Variants in MARCHF4 observed in about 807,000 individuals in gnomAD.
MARCHF4 encodes membrane associated ring-CH-type finger 4, also known as E3 ubiquitin-protein ligase MARCHF4.
MARCHF4 carries 14 observed loss-of-function variants against 43.9 expected under a neutral mutation model. The observed-to-expected ratio is 0.32, with a 90% CI of 0.21 to 0.50. The LOEUF (loss-of-function observed/expected upper bound fraction) is 0.50, where lower values mean the gene tolerates loss of function less well. Among genes scored for constraint, MARCHF4 ranks in the 20% least tolerant of loss-of-function variants. The pLI is 0.98. For synonymous variants in MARCHF4, 226 were observed against 213.3 expected (o/e 1.06, Z -0.52); for missense variants, 468 against 536.7 (o/e 0.87, Z 1.27).
chr2:216,354,918 T>C (rs76302776), intron 1 of MARCHF4, among the ~76,000 whole-genome samples: 4,860 of 94,254 alleles, frequency 0.052, 147 homozygotes, highest in Non-Finnish European at 0.076. Flanking sequence ...TTTCTTTCTT[T>C]CTTTCTTTCT....
intron 1 of MARCHF4, among the ~76,000 whole-genome samples, chr2:216,348,544 G>A (rs1692355602): frequency 1.3e-5 from 2 of 152,144 alleles, no homozygotes; most frequent in South Asian, 2.1e-4. Context: ...GTGATGTCAG[G>A]AAGTCCCCCT....
At chr2:216,284,112 A>G (rs1691181097) in intron 1 of MARCHF4, among the ~76,000 whole-genome samples, 2 of 152,312 alleles carry the variant, frequency 1.3e-5, no homozygotes, top group Middle Eastern at 3.4e-3. Flanking sequence ...GCCCTCAAGG[A>G]CAGACAGGCA....
chr2:216,333,270 C>T (rs1692108381), intron 1 of MARCHF4, among the ~76,000 whole-genome samples: 1 of 152,144 alleles, frequency 6.6e-6, no homozygotes. Context: ...AAATTCAAAA[C>T]ATATAAAGAA....
intron 1 of MARCHF4, among the ~76,000 whole-genome samples, chr2:216,337,205 A>T (rs1410266408): frequency 6.6e-6 from 1 of 152,122 alleles, no homozygotes; most frequent in Non-Finnish European, 1.5e-5. Context: ...GTGCAAAAAG[A>T]TCAGGCTACA....
intron 1 of MARCHF4, among the ~76,000 whole-genome samples, chr2:216,336,742 TAAAAAAAAAAAAAA>T (rs58031229): frequency 0.049 from 2,717 of 55,844 alleles, 210 homozygotes; most frequent in African/African-American, 0.13. Context: ...CAAATAGATT[TAAAAAAAAAAAAAA>T]AAAAAAAAAA....
intron 1 of MARCHF4, among the ~76,000 whole-genome samples, chr2:216,358,362 T>A (rs151102350): frequency 6.6e-6 from 1 of 152,160 alleles, no homozygotes; most frequent in South Asian, 2.1e-4. Context: ...CCAGGAACAG[T>A]CTTCATTTTC....
intron 1 of MARCHF4, among the ~76,000 whole-genome samples, chr2:216,292,910 C>T (rs1574466039): frequency 6.6e-6 from 1 of 152,132 alleles, no homozygotes; most frequent in Non-Finnish European, 1.5e-5. Context: ...AGAAAAATGA[C>T]CTATCATGAA....
chr2:216,307,074 C>T (rs1209247620), intron 1 of MARCHF4, among the ~76,000 whole-genome samples: 1 of 152,122 alleles, frequency 6.6e-6, no homozygotes, highest in East Asian at 1.9e-4. Flanking sequence ...GGGAGCAGCA[C>T]GACTTCCTCT....
intron 1 of MARCHF4, among the ~76,000 whole-genome samples, chr2:216,304,359 A>G (rs1473679455): frequency 6.6e-6 from 1 of 152,166 alleles, no homozygotes; most frequent in Admixed American, 6.5e-5. Context: ...GGCTTGAATT[A>G]TGACTTCACA....
intron 1 of MARCHF4, among the ~76,000 whole-genome samples, chr2:216,307,877 C>T (rs1574470883): frequency 6.6e-6 from 1 of 151,970 alleles, no homozygotes; most frequent in African/African-American, 2.4e-5. Flanking sequence ...AGACCCCTAT[C>T]TCTACAGAAA....
chr2:216,335,726 TG>T (rs150239902), intron 1 of MARCHF4, among the ~76,000 whole-genome samples: 11,365 of 152,112 alleles, frequency 0.075, 528 homozygotes, highest in South Asian at 0.12. Flanking sequence ...GCCTTGAATA[TG>T]ACAGACATTA....
rs143659051 is a variant in MARCHF4, at chr2:216,336,461, C to T, written c.516+33284G>A. Among the ~76,000 whole-genome samples, 15 of 152,144 alleles carry T rather than the reference C, an allele frequency of 9.9e-5. No homozygotes were observed. In the East Asian group the frequency reaches 2.9e-3, roughly 29 times the overall value. On this transcript the variant is annotated intron_variant, in intron 1 of 3. Transcript: ENST00000273067. ...CAAAAACCACATGAAAACCTTCTTG[C>T]GCAGTAGAAATCTTTACAACTATGT... is the stretch of plus-strand genomic sequence containing the variant.
chr2:216,277,754 G>A lies in MARCHF4; in HGVS notation c.783C>T (p.Ser261=). ...CTTGGCGCTGCCATCTTGCCGAGGG[G>A]CTGAAAGTTGACCAGATGAGCCAAG... ...SISWLIWSTF[S]PSARWQRQDL... Residue 261 remains serine, a synonymous_variant, in exon 3 of 4, where the codon AGC becomes AGT. Coordinates refer to ENST00000273067, the MANE Select transcript of MARCHF4 (RefSeq NM_020814.3). 1 of 1,614,200 alleles carries A rather than the reference G, an allele frequency of 6.2e-7. No homozygotes were observed. Among genetic ancestry groups the A allele is most frequent in the East Asian group, 2.2e-5 (1 of 44,878 alleles).
intron 1 of MARCHF4, among the ~76,000 whole-genome samples, chr2:216,341,043 C>T (rs545605774): frequency 3.9e-4 from 59 of 152,308 alleles, no homozygotes; most frequent in African/African-American, 1.4e-3. Flanking sequence ...TCACTCTCCT[C>T]GGATCCCCCA....
At chr2:216,318,100 C>T (rs1691812473) in intron 1 of MARCHF4, 1 of 152,204 alleles carries the variant, frequency 6.6e-6, no homozygotes, top group Non-Finnish European at 1.5e-5. Context: ...TTCAAGTCAC[C>T]AGCAGAAAAC....
intron 1 of MARCHF4, among the ~76,000 whole-genome samples, chr2:216,308,536 T>G (rs1033625280): frequency 6.6e-6 from 1 of 152,210 alleles, no homozygotes; most frequent in Non-Finnish European, 1.5e-5. Context: ...TATAGGCAGA[T>G]GGCACAGAAG....
intron 3 of MARCHF4, among the ~76,000 whole-genome samples, chr2:216,272,738 G>A (rs573598915): frequency 1.3e-4 from 20 of 152,300 alleles, no homozygotes; most frequent in Non-Finnish European, 1.3e-4. Context: ...CCAAAGCAAC[G>A]TACGTTTGGC....
intron 1 of MARCHF4, among the ~76,000 whole-genome samples, chr2:216,286,046 A>T (rs929171887): frequency 1.3e-5 from 2 of 152,178 alleles, no homozygotes; most frequent in African/African-American, 4.8e-5. Flanking sequence ...ATTGGGGCTC[A>T]TGGGAGCCCC....
chr2:216,306,223 C>T (rs1691584028), intron 1 of MARCHF4, among the ~76,000 whole-genome samples: 1 of 152,154 alleles, frequency 6.6e-6, no homozygotes, highest in East Asian at 1.9e-4. Context: ...TTCTCTTTAG[C>T]CAATTTAATT....
Sources: gnomAD v4.1 joint callset for allele counts (sites outside exome capture counted in the v4.1 genomes callset) on GRCh38, gnomAD v4.1.1 for gene constraint, MANE v1.5 for transcripts, NCBI Gene and HGNC (gene_info 2026-07-23, HGNC 2026-07-21) for gene names.